Variants in TMEM108 observed in about 807,000 individuals in gnomAD.
The protein encoded by TMEM108 is transmembrane protein 108, also known as cancer/testis antigen 124.
TMEM108 carries 12 observed loss-of-function variants against 35.1 expected under a neutral mutation model. The ratio of observed to expected loss-of-function variants is 0.34; its 90% CI spans 0.22 to 0.55. The LOEUF is 0.55. Among genes scored for constraint, TMEM108 ranks in the 20% least tolerant of loss-of-function variants. The pLI, the probability that TMEM108 is intolerant of heterozygous loss-of-function variation, is 0.89. For missense variants in TMEM108, 680 were observed against 753.3 expected (o/e 0.90, Z 1.14); for synonymous variants, 287 against 308.6 (o/e 0.93, Z 0.73).
intron 3 of TMEM108, among the ~76,000 whole-genome samples, chr3:133,314,912 C>G (rs2071177757): frequency 6.6e-6 from 1 of 152,228 alleles, no homozygotes; most frequent in Non-Finnish European, 1.5e-5. Flanking sequence ...TTTCAAGACA[C>G]TCTTGGTAAC....
chr3:133,095,808 C>CA (rs1559830854), intron 2 of TMEM108, among the ~76,000 whole-genome samples: 2 of 152,184 alleles, frequency 1.3e-5, no homozygotes, highest in African/African-American at 4.8e-5. Flanking sequence ...CTTGTTCGCT[C>CA]ACCCGATGCT....
chr3:133,105,923 C>A (rs1944144755), intron 2 of TMEM108, among the ~76,000 whole-genome samples: 1 of 152,148 alleles, frequency 6.6e-6, no homozygotes, highest in South Asian at 2.1e-4. Flanking sequence ...GTCTCCCGGT[C>A]TCTTAGGGTG....
chr3:133,087,737 A>G (rs1943901339), intron 2 of TMEM108, among the ~76,000 whole-genome samples: 1 of 152,126 alleles, frequency 6.6e-6, no homozygotes, highest in African/African-American at 2.4e-5. Flanking sequence ...TCTTGAGAAC[A>G]AGGACTGTGG....
intron 2 of TMEM108, among the ~76,000 whole-genome samples, chr3:133,107,934 T>C (rs1038626166): frequency 1.3e-5 from 2 of 152,152 alleles, no homozygotes; most frequent in Admixed American, 1.3e-4. Context: ...AGATCTCCTA[T>C]AAAAATGTTG....
chr3:133,363,987 G>A (rs1401117865), intron 3 of TMEM108, among the ~76,000 whole-genome samples: 8 of 152,178 alleles, frequency 5.3e-5, no homozygotes. Flanking sequence ...TGTGGCTAGT[G>A]TCTACCATAT....
rs371623398 is a variant in TMEM108, at chr3:133,073,484, T to TTCTCTCTCTCTCTCTCTC, written c.-47+27474_-47+27491dup. Among the ~76,000 whole-genome samples the TTCTCTCTCTCTCTCTCTC allele has an allele frequency of 1.3e-3, 75 of 55,600 alleles. 1 individual carries two copies. The highest frequency in any genetic ancestry group is 4.0e-3 in the African/African-American group (37 of 9,156). 36.5% of individuals were successfully genotyped at this position (55,600 alleles called of 152,430 possible). On this transcript the variant is annotated intron_variant, in intron 2 of 5. Coordinates refer to ENST00000321871, the MANE Select transcript of TMEM108 (RefSeq NM_023943.4). Reference sequence around the variant, plus strand: ...TTTTTTAAGGCTGAATAGTATTCTATTCTCTCTCTCTCTCTCTCTCTCTCT... The same window carrying TTCTCTCTCTCTCTCTCTC: ...TTTTTTAAGGCTGAATAGTATTCTATTCTCTCTCTCTCTCTCTCTCTCTCTCTCTCTCTCTCTCTCTCT...
At chr3:133,196,188 A>G (rs1471319487) in intron 2 of TMEM108, among the ~76,000 whole-genome samples, 1 of 152,128 alleles carries the variant, frequency 6.6e-6, no homozygotes, top group African/African-American at 2.4e-5. Context: ...CAGCAAGGAA[A>G]TTCTTTTTGA....
intron 2 of TMEM108, among the ~76,000 whole-genome samples, chr3:133,226,597 A>G (rs955424011): frequency 2.0e-5 from 3 of 152,144 alleles, no homozygotes; most frequent in Non-Finnish European, 4.4e-5. Context: ...ATAATAAGGC[A>G]TGTCTGGCCC....
At chr3:133,052,405 C>G (rs577700345) in intron 2 of TMEM108, among the ~76,000 whole-genome samples, 1 of 151,884 alleles carries the variant, frequency 6.6e-6, no homozygotes, top group Admixed American at 6.5e-5. Flanking sequence ...ATTTTCTACC[C>G]AGGTGATCAT....
chr3:133,332,676 G>A (rs1435157423), intron 3 of TMEM108, among the ~76,000 whole-genome samples: 1 of 152,184 alleles, frequency 6.6e-6, no homozygotes, highest in African/African-American at 2.4e-5. Context: ...TCTCAAAATG[G>A]GAGATAGAGG....
chr3:133,075,721 G>A (rs998373325), intron 2 of TMEM108, among the ~76,000 whole-genome samples: 1 of 152,040 alleles, frequency 6.6e-6, no homozygotes, highest in African/African-American at 2.4e-5. Context: ...GTTTTGATCT[G>A]CCTTTCCTGG....
intron 3 of TMEM108, among the ~76,000 whole-genome samples, chr3:133,350,021 C>T (rs2071942964): frequency 6.6e-6 from 1 of 152,072 alleles, no homozygotes; most frequent in Admixed American, 6.6e-5. Context: ...GATATGGAAT[C>T]AACCTAAGTA....
At chr3:133,056,985 A>G (rs570954771) in intron 2 of TMEM108, among the ~76,000 whole-genome samples, 1 of 152,360 alleles carries the variant, frequency 6.6e-6, no homozygotes, top group East Asian at 1.9e-4. Flanking sequence ...GTGCAACATG[A>G]CATTAACAAG....
At chr3:133,359,887 A>G (rs1394998570) in intron 3 of TMEM108, among the ~76,000 whole-genome samples, 6 of 152,140 alleles carry the variant, frequency 3.9e-5, no homozygotes, top group African/African-American at 1.4e-4. Context: ...ACTTGTAAAC[A>G]AGTGTTCATA....
At position 133,081,246 on chromosome 3, in the gene TMEM108, C is replaced by T. The variant is rs192138878; in HGVS notation, c.-47+35226C>T. On this transcript the variant is annotated intron_variant, in intron 2 of 5. Coordinates refer to ENST00000321871, the MANE Select transcript of TMEM108 (RefSeq NM_023943.4). Reference sequence around the variant, plus strand: ...ATTTGTTTTCTCACAGTTCTGAATGCGGGAAATTTGAGATCAGGGTACCAG... The same window carrying T: ...ATTTGTTTTCTCACAGTTCTGAATGTGGGAAATTTGAGATCAGGGTACCAG... Among the ~76,000 whole-genome samples, 60 of 152,296 alleles carry T rather than the reference C, an allele frequency of 3.9e-4. No individual in the cohort carries two copies. The East Asian group carries it at 5.0e-3, about 13-fold the overall frequency.
chr3:133,291,198 A>G (rs1318616532), intron 3 of TMEM108, among the ~76,000 whole-genome samples: 2 of 152,170 alleles, frequency 1.3e-5, no homozygotes, highest in African/African-American at 4.8e-5. Context: ...CTGTCACCCT[A>G]TAAAGCCCAT....
chr3:133,103,231 C>G (rs987723805), intron 2 of TMEM108, among the ~76,000 whole-genome samples: 1 of 152,164 alleles, frequency 6.6e-6, no homozygotes, highest in African/African-American at 2.4e-5. Context: ...TGTACATATA[C>G]ACCATGGAAT....
chr3:133,063,770 G>T (rs1452000351), intron 2 of TMEM108, among the ~76,000 whole-genome samples: 3 of 152,084 alleles, frequency 2.0e-5, no homozygotes, highest in Non-Finnish European at 4.4e-5. Flanking sequence ...TCTCCCGCTG[G>T]ACTCCTGCTT....
chr3:133,117,188 A>C (rs1038177729), intron 2 of TMEM108, among the ~76,000 whole-genome samples: 1 of 152,226 alleles, frequency 6.6e-6, no homozygotes, highest in Admixed American at 6.5e-5. Context: ...AATATACAGC[A>C]TCAAACAAAT....
Sources: gnomAD v4.1 joint callset for allele counts (sites outside exome capture counted in the v4.1 genomes callset) on GRCh38, gnomAD v4.1.1 for gene constraint, MANE v1.5 for transcripts, NCBI Gene and HGNC (gene_info 2026-07-23, HGNC 2026-07-21) for gene names.